Variants in PSMC3 observed in about 807,000 individuals in gnomAD.
PSMC3 encodes 26S proteasome regulatory subunit 6A.
In PSMC3, 11 loss-of-function variants were observed where a neutral mutation model predicts 52.0. That is an observed-to-expected ratio of 0.21 (90% CI 0.13 to 0.35). The LOEUF (loss-of-function observed/expected upper bound fraction) is 0.35. Ranked by LOEUF, PSMC3 falls within the 10% of genes least tolerant of loss-of-function variation. The probability of loss-of-function intolerance (pLI) is 1.00; values close to 1 mark genes in which losing one functional copy is unlikely to be tolerated. For synonymous variants in PSMC3, 201 were observed against 218.8 expected (o/e 0.92, Z 0.72); for missense variants, 238 against 567.1 (o/e 0.42, Z 5.89).
Position 47,425,285 on chromosome 11 carries a change from G to A in PSMC3, c.160-39C>T, listed in dbSNP as rs748279675. The A allele has an allele frequency of 2.5e-6, 4 of 1,612,424 alleles. No individual in the cohort carries two copies. The South Asian group carries it at 3.3e-5, about 13-fold the overall frequency. ...GGGAGGAGAAGCAAATATAAACCCT[G>A]GCACAGCTTATGCTAGAGCCCTGTA... On this transcript the variant is annotated intron_variant, in intron 2 of 11. Coordinates refer to ENST00000298852, the MANE Select transcript of PSMC3 (RefSeq NM_002804.5).
intron 10 of PSMC3, among the ~76,000 whole-genome samples, chr11:47,419,837 C>A (rs532156517): frequency 6.7e-6 from 1 of 148,398 alleles, no homozygotes; most frequent in Admixed American, 6.8e-5. Flanking sequence ...CCAGCCTGGG[C>A]GACAGAGCGA....
rs2096043934 is a variant in PSMC3 at position 47,424,245 on chromosome 11, G to A, written c.454-62C>T. 1 of 1,610,250 alleles carries A rather than the reference G, an allele frequency of 6.2e-7. No individual in the cohort carries two copies. The highest frequency in any genetic ancestry group is 1.1e-5 in the South Asian group (1 of 90,990). On this transcript the variant is annotated intron_variant, in intron 5 of 11. Coordinates refer to ENST00000298852, the MANE Select transcript of PSMC3 (RefSeq NM_002804.5). This position sits in a 1 kb window ranked among gnomAD's most constrained non-coding sequence, Gnocchi z 4.8. Reference sequence around the variant, plus strand: ...GCTCAAGGGCTACCCAACTGACTGGGTGACAGGTGTCTGCAGAGGGAAAGA... The same window carrying A: ...GCTCAAGGGCTACCCAACTGACTGGATGACAGGTGTCTGCAGAGGGAAAGA...
At position 47,424,970 on chromosome 11, in the gene PSMC3, C is replaced by T. The variant is rs1595892822; in HGVS notation, c.285+151G>A. On this transcript the variant is annotated intron_variant, in intron 3 of 11. Transcript: ENST00000298852. This position sits in a 1 kb window ranked among gnomAD's most constrained non-coding sequence, Gnocchi z 4.8. ...TGAGACCTCCCAGGACTTTGCAGGC[C>T]CCGTCTTCCCCATGAAAGTGCCCCA... The T allele has an allele frequency of 8.3e-7, 1 of 1,206,064 alleles. No individual in the cohort carries two copies. The highest frequency in any genetic ancestry group is 1.2e-6 in the Non-Finnish European group (1 of 856,610). The allele number at this position is 1,206,064 out of a possible 1,614,324, so 74.7% of individuals were successfully genotyped here. A position where few individuals can be genotyped will look rare whatever the true frequency, so the allele number is the denominator to read the frequency against.
intron 6 of PSMC3, 69 bp downstream of exon 6, chr11:47,423,964 CATTAGGGAGATGA>C: frequency 6.3e-7 from 1 of 1,589,080 alleles, no homozygotes; most frequent in Non-Finnish European, 8.6e-7. Context: ...ATGAAAGACA[CATTAGGGAGATGA>C]GCTGCATCAA....
At position 47,425,110 on chromosome 11, in the gene PSMC3, TACAC is replaced by T. The variant is rs746636024; in HGVS notation, c.285+7_285+10del. On this transcript the variant is annotated splice_region_variant and intron_variant, in intron 3 of 11. Coordinates refer to ENST00000298852, the MANE Select transcript of PSMC3 (RefSeq NM_002804.5). ...CTGACTCCCTCTCTTCCCCTCCACA[TACAC>T]ACACACCTCGATGACGTTGGAGACA... 107 of 1,613,846 alleles carry T rather than the reference TACAC, an allele frequency of 6.6e-5. No homozygotes were observed. The South Asian group carries it at 1.1e-3, about 17-fold the overall frequency.
intron 1 of PSMC3, 88 bp downstream of exon 1, chr11:47,426,117 C>A: frequency 6.8e-7 from 1 of 1,481,016 alleles, no homozygotes; most frequent in South Asian, 1.2e-5. Context: ...CGGGCCAGAC[C>A]TTGACCCCCA....
Position 47,424,661 on chromosome 11 carries a change from G to A in PSMC3, c.336C>T (p.Asp112=). Residue 112 remains aspartate (D), a synonymous_variant, in exon 4 of 12, where the codon GAC becomes GAT. Coordinates refer to ENST00000298852, the MANE Select transcript of PSMC3 (RefSeq NM_002804.5). This position sits in a 1 kb window ranked among gnomAD's most constrained non-coding sequence, Gnocchi z 4.8. The part of the protein sequence containing the change: ...NDQEEDGANI[D]LDSQRKGKCA... ...ACTTGCCCTTCCTCTGGGAGTCCAG[G>A]TCAATATTGGCACCATCCTCCTCTT... The A allele has an allele frequency of 1.2e-6, 2 of 1,614,006 alleles. No homozygotes were observed. The highest frequency in any genetic ancestry group is 1.1e-5 in the South Asian group (1 of 91,080).
At position 47,424,849 on chromosome 11, in the gene PSMC3, T is replaced by A; in HGVS notation, c.286-138A>T. On this transcript the variant is annotated intron_variant, in intron 3 of 11. Coordinates refer to ENST00000298852, the MANE Select transcript of PSMC3 (RefSeq NM_002804.5). The surrounding 1 kb of genome is among the most constrained non-coding windows in gnomAD (Gnocchi z 4.8). ...TGAGCCCACCAAACGTGGGTGCCCC[T>A]GCTAAGCCCAGGGATTGATCTCTGT... 1 of 874,144 alleles carries A rather than the reference T, an allele frequency of 1.1e-6. No homozygotes were observed. Among genetic ancestry groups the A allele is most frequent in the Non-Finnish European group, 1.8e-6 (1 of 551,828 alleles). The allele number at this position is 874,144 out of a possible 1,614,324, so 54.1% of individuals were successfully genotyped here.
At position 47,420,383 on chromosome 11, in the gene PSMC3, G is replaced by A; in HGVS notation, c.1008C>T (p.Asp336=). The part of the protein sequence containing the change: ...VKVIAATNRV[D]ILDPALLRSG... ...AGCGGAGGAGGGCGGGGTCCAGGAT[G>A]TCCACCCTGTTTGTGGCTGCAATTA... The change falls in exon 10 of 12, where the codon GAC becomes GAT. Residue 336 remains aspartate (D), a synonymous_variant. Coordinates refer to ENST00000298852, the MANE Select transcript of PSMC3 (RefSeq NM_002804.5). 6.2e-7 allele frequency: 1 copy of A among 1,613,664 alleles called. No individual in the cohort carries two copies. The highest frequency in any genetic ancestry group is 1.1e-5 in the South Asian group (1 of 91,060).
intron 11 of PSMC3, 45 bp from the exon 12 acceptor site, chr11:47,418,990 C>T: frequency 1.2e-6 from 2 of 1,609,350 alleles, no homozygotes; most frequent in Non-Finnish European, 1.7e-6. Context: ...GCCTGAATGC[C>T]TTCCCTGGCT....
intron 10 of PSMC3, among the ~76,000 whole-genome samples, chr11:47,419,764 C>T (rs994693931): frequency 4.0e-5 from 6 of 151,812 alleles, no homozygotes; most frequent in South Asian, 4.2e-4. Flanking sequence ...GAGGCTGAGG[C>T]AGGAGAATGG....
chr11:47,423,844 C>A (rs1425421757), intron 6 of PSMC3, among the ~76,000 whole-genome samples: 1 of 152,012 alleles, frequency 6.6e-6, no homozygotes, highest in African/African-American at 2.4e-5. Context: ...GGGCTCCAGT[C>A]CTGGCTCTGG....
intron 8 of PSMC3, 95 bp from the exon 9 acceptor site, chr11:47,420,822 G>A: frequency 1.8e-6 from 2 of 1,142,234 alleles, no homozygotes; most frequent in Non-Finnish European, 2.5e-6. Flanking sequence ...AACCCGTCCA[G>A]GGCAGGGAAA....
rs1334105187 is a variant in PSMC3 at position 47,424,854 on chromosome 11, A to G, written c.286-143T>C. On this transcript the variant is annotated intron_variant, in intron 3 of 11. Transcript: ENST00000298852. This position sits in a 1 kb window ranked among gnomAD's most constrained non-coding sequence, Gnocchi z 4.8. ...CCACCAAACGTGGGTGCCCCTGCTA[A>G]GCCCAGGGATTGATCTCTGTGTAGG... 2 of 859,822 alleles carry G rather than the reference A, an allele frequency of 2.3e-6. No individual in the cohort carries two copies. The highest frequency in any genetic ancestry group is 3.7e-6 in the Non-Finnish European group (2 of 540,462). 53.3% of individuals were successfully genotyped at this position (859,822 alleles called of 1,614,324 possible). A position where few individuals can be genotyped will look rare whatever the true frequency, so the allele number is the denominator to read the frequency against.
intron 8 of PSMC3, among the ~76,000 whole-genome samples, chr11:47,421,397 C>A (rs2096040305): frequency 6.6e-6 from 1 of 151,932 alleles, no homozygotes; most frequent in African/African-American, 2.4e-5. Context: ...AGAGCCCAGG[C>A]AGGCATCCCC....
intron 10 of PSMC3, among the ~76,000 whole-genome samples, chr11:47,419,987 G>A (rs192144486): frequency 6.6e-6 from 1 of 152,246 alleles, no homozygotes; most frequent in African/African-American, 2.4e-5. Flanking sequence ...GCTGAGGTGT[G>A]AGGCCAGGAA....
Position 47,420,353 on chromosome 11 carries a change from G to A in PSMC3, c.1038C>T (p.Gly346=). 1 of 1,614,208 alleles carries A rather than the reference G, an allele frequency of 6.2e-7. No homozygotes were observed. Among genetic ancestry groups the A allele is most frequent in the Non-Finnish European group, 8.5e-7 (1 of 1,180,032 alleles). ...GGAACTCTATCTTGCGGTCAAGGCG[G>A]CCCGAGCGGAGGAGGGCGGGGTCCA... ...DILDPALLRS[G]RLDRKIEFPM... is the part of the protein sequence containing the mutation. Residue 346 remains glycine (G), a synonymous_variant, in exon 10 of 12, where the codon GGC becomes GGT. Coordinates refer to ENST00000298852, the MANE Select transcript of PSMC3 (RefSeq NM_002804.5).
Position 47,420,645 on chromosome 11 carries a change from T to C in PSMC3, c.967A>G (p.Asn323Asp). 3 of 1,552,558 alleles carry C rather than the reference T, an allele frequency of 1.9e-6. No individual in the cohort carries two copies. Among genetic ancestry groups the C allele is most frequent in the Non-Finnish European group, 2.6e-6 (3 of 1,147,344 alleles). The change falls in exon 9 of 12, where the codon AAC becomes GAC. Residue 323 changes from asparagine to aspartate, a missense_variant. Asn to Asp is a conservative substitution (Grantham distance 23). Around this residue, in one of 6 missense-constraint regions of PSMC3, gnomAD observed 46 missense variants for 172.9 expected, o/e 0.27. Coordinates refer to ENST00000298852, the MANE Select transcript of PSMC3 (RefSeq NM_002804.5). ...CTAATACTCACCTTAACTTGGGTGT[T>C]GGGCTGGAAGCCATCCAGCTGGTTC... ...LLNQLDGFQPNTQVKVIAATN... is the reference protein window; with the variant it reads ...LLNQLDGFQPDTQVKVIAATN...
rs1351895672 is a variant in PSMC3, at chr11:47,419,097, A to G, written c.1209+19T>C. On this transcript the variant is annotated intron_variant, in intron 11 of 11. Coordinates refer to ENST00000298852, the MANE Select transcript of PSMC3 (RefSeq NM_002804.5). ...CAAGAAGGCACAAAGCAACGCACCC[A>G]CCCCAGCTGACCACTCACCGCCTCC... The G allele has an allele frequency of 1.2e-6, 2 of 1,613,158 alleles. No homozygotes were observed. The highest frequency in any genetic ancestry group is 1.3e-5 in the African/African-American group (1 of 74,612).
Sources: allele counts gnomAD v4.1 joint callset (sites outside exome capture counted in the v4.1 genomes callset), GRCh38; gene constraint gnomAD v4.1.1; regional missense constraint gnomAD v4.1.1; non-coding constraint Gnocchi (gnomAD v3.1); transcripts MANE v1.5; gene names NCBI Gene and HGNC (gene_info 2026-07-23, HGNC 2026-07-21).